Variants in DHX8 observed in about 807,000 individuals in gnomAD.
DHX8 encodes DEAH-box helicase 8.
In DHX8, 67 loss-of-function variants were observed where a neutral mutation model predicts 140.7. That is an observed-to-expected ratio of 0.48 (90% CI 0.39 to 0.58). The LOEUF (loss-of-function observed/expected upper bound fraction) is 0.58, where lower values mean the gene tolerates loss of function less well. DHX8 is among the 20% of genes least tolerant of loss of function. The pLI is 0.00. For synonymous variants in DHX8, 533 were observed against 553.2 expected, an observed-to-expected ratio of 0.96 and a Z score of 0.51; for missense variants, 887 against 1,550.7, an observed-to-expected ratio of 0.57 and a Z score of 7.19.
At chr17:43,495,203 G>T (rs1278926404) in intron 8 of DHX8, among the ~76,000 whole-genome samples, 1 of 152,196 alleles carries the variant, frequency 6.6e-6, no homozygotes, top group African/African-American at 2.4e-5. Flanking sequence ...ATATATCATG[G>T]TTGCTATGCT....
At chr17:43,495,313 C>A (rs1186694381) in intron 8 of DHX8, among the ~76,000 whole-genome samples, 1 of 152,220 alleles carries the variant, frequency 6.6e-6, no homozygotes, top group South Asian at 2.1e-4. Context: ...CTTACTTGCA[C>A]TATTGCCCAG....
At chr17:43,539,266 C>T (rs1340856116) in intron 3 of DHX8, among the ~76,000 whole-genome samples, 2 of 152,184 alleles carry the variant, frequency 1.3e-5, no homozygotes, top group Non-Finnish European at 2.9e-5. Context: ...TTCTAGCCCT[C>T]AAAGCTGCTG....
chr17:43,539,400 C>T (rs1184475591), intron 3 of DHX8, among the ~76,000 whole-genome samples: 1 of 152,160 alleles, frequency 6.6e-6, no homozygotes, highest in East Asian at 1.9e-4. Context: ...CAAAGTGGTT[C>T]CTCCTGGCTC....
chr17:43,526,277 G>A, downstream of DHX8: 7 of 1,354,096 alleles, frequency 5.2e-6, no homozygotes, highest in Non-Finnish European at 6.7e-6. Context: ...AGAGAGCTGG[G>A]ATCTTCTTGG....
chr17:43,524,665 T>C lies in DHX8; in HGVS notation c.*818T>C. ...CTCCCTCCACCTCCCACATTCGCAA[T>C]GTGCAGCATGTCCCATTTCCTTTTG... On this transcript the variant is annotated 3_prime_UTR_variant, in exon 23 of 23. Transcript: ENST00000262415. The C allele has an allele frequency of 2.0e-6, 2 of 985,476 alleles. No homozygotes were observed. Among genetic ancestry groups the C allele is most frequent in the Non-Finnish European group, 2.4e-6 (2 of 829,938 alleles). 61.0% of individuals were successfully genotyped at this position (985,476 alleles called of 1,614,324 possible).
In DHX8 at chr17:43,523,928, C is replaced by T; in HGVS notation, c.*81C>T. ...CGATGACAGGCTGGTCCTGAGGATA[C>T]AGCTGTCCCGTGACTGACTGTCTTA... On this transcript the variant is annotated 3_prime_UTR_variant, in exon 23 of 23. Transcript: ENST00000262415. The T allele has an allele frequency of 6.4e-7, 1 of 1,572,954 alleles. No individual in the cohort carries two copies.
chr17:43,493,550 G>A lies in DHX8; in HGVS notation c.969G>A (p.Val323=). The change falls in exon 7 of 23, where the codon GTG becomes GTA. Residue 323 remains valine (V), a synonymous_variant. Coordinates refer to ENST00000262415, the MANE Select transcript of DHX8 (RefSeq NM_004941.3). The stretch of plus-strand genomic sequence containing the variant: ...AAGGCCAGAGGGTCAAAGTCAAAGT[G>A]CTGTCCTTCACTGGGACCAAGACCA... ...VSKGQRVKVK[V]LSFTGTKTSL... 6.2e-7 allele frequency: 1 copy of A among 1,614,186 alleles called. No individual in the cohort carries two copies. The highest frequency in any genetic ancestry group is 8.5e-7 in the Non-Finnish European group (1 of 1,180,028).
At chr17:43,527,377 C>T (rs1970648568), downstream of DHX8, among the ~76,000 whole-genome samples, 1 of 152,176 alleles carries the variant, frequency 6.6e-6, no homozygotes, top group South Asian at 2.1e-4. Context: ...AAGTAGCAAC[C>T]TAGAGCTGAG....
chr17:43,492,885 G>A lies in DHX8; in HGVS notation c.708G>A (p.Lys236=). 1 of 1,614,220 alleles carries A rather than the reference G, an allele frequency of 6.2e-7. No individual in the cohort carries two copies. ...SRSQSPPKDR[K]DRDKYGERNL... ...GTCAGAGTCCCCCCAAAGACCGGAA[G>A]GACCGGGACAAATATGGAGAGCGGA... The change falls in exon 6 of 23, where the codon AAG becomes AAA. Residue 236 remains lysine, a synonymous_variant. Transcript: ENST00000262415.
intron 12 of DHX8, 123 bp from the exon 13 acceptor site, chr17:43,506,880 A>G: frequency 2.9e-6 from 2 of 685,486 alleles, no homozygotes; most frequent in Non-Finnish European, 2.2e-6. Flanking sequence ...TGGTGTTAGA[A>G]TATAGTAATT....
At position 43,507,923 on chromosome 17, in the gene DHX8, T is replaced by C; in HGVS notation, c.2224T>C (p.Tyr742His). ...CATTTTCACCATCCCAGGTCGAACA[T>C]ATCCAGTGGAAATACTGTACACAAA... Reference protein sequence around the residue: ...APIFTIPGRTYPVEILYTKEP... With the variant: ...APIFTIPGRTHPVEILYTKEP... Residue 742 changes from tyrosine (Y) to histidine (H), a missense_variant, in exon 15 of 23, where the codon TAT (tyrosine) becomes CAT (histidine). Coordinates refer to ENST00000262415, the MANE Select transcript of DHX8 (RefSeq NM_004941.3). The C allele has an allele frequency of 6.2e-7, 1 of 1,614,198 alleles. No homozygotes were observed. The highest frequency in any genetic ancestry group is 1.1e-5 in the South Asian group (1 of 91,084).
chr17:43,490,506 A>T (rs369870531), intron 3 of DHX8, 43 bp downstream of exon 3: 10 of 1,501,232 alleles, frequency 6.7e-6, no homozygotes, highest in Non-Finnish European at 9.2e-6. Flanking sequence ...AGAATGGTGT[A>T]GGTTTTGAAC....
At chr17:43,526,544 G>A, downstream of DHX8, 2 of 1,535,708 alleles carry the variant, frequency 1.3e-6, no homozygotes, top group Non-Finnish European at 1.7e-6. Flanking sequence ...CATTGGAGCA[G>A]TGCCTCTCCA....
At chr17:43,491,388 C>G (rs992401910) in intron 4 of DHX8, 138 bp downstream of exon 4, 1 of 447,202 alleles carries the variant, frequency 2.2e-6, no homozygotes, top group Non-Finnish European at 4.0e-6. Flanking sequence ...TGATCACTCC[C>G]TGAGCATGTA....
At chr17:43,517,421 T>A in intron 18 of DHX8, 99 bp downstream of exon 18, 2 of 1,370,336 alleles carry the variant, frequency 1.5e-6, no homozygotes, top group Non-Finnish European at 2.0e-6. Flanking sequence ...AATACTTTAG[T>A]AACCTCATGA....
At chr17:43,522,747 C>CAAAAAA (rs773301589) in intron 22 of DHX8, among the ~76,000 whole-genome samples, 62 of 41,226 alleles carry the variant, frequency 1.5e-3, no homozygotes, top group East Asian at 2.0e-3. Context: ...AACTCCATCT[C>CAAAAAA]AAAAAAAAAA....
intron 2 of DHX8, among the ~76,000 whole-genome samples, chr17:43,489,858 G>C (rs1352943176): frequency 6.6e-6 from 1 of 152,104 alleles, no homozygotes. Flanking sequence ...CCAAAGTGCT[G>C]GGATTACATA....
At chr17:43,531,492 A>G (rs1216881906), downstream of DHX8, among the ~76,000 whole-genome samples, 1 of 152,172 alleles carries the variant, frequency 6.6e-6, no homozygotes, top group Non-Finnish European at 1.5e-5. Flanking sequence ...GCCACATATT[A>G]ACCTGTGCTT....
intron 1 of DHX8, among the ~76,000 whole-genome samples, chr17:43,487,804 C>T (rs1968257473): frequency 6.6e-6 from 1 of 151,854 alleles, no homozygotes; most frequent in African/African-American, 2.4e-5. Context: ...TGGCAAAACC[C>T]CGTCTCTACT....
Sources: allele counts gnomAD v4.1 joint callset (sites outside exome capture counted in the v4.1 genomes callset), GRCh38; gene constraint gnomAD v4.1.1; transcripts MANE v1.5; gene names NCBI Gene and HGNC (gene_info 2026-07-23, HGNC 2026-07-21).